The following ST18 variants were observed in gnomAD, a reference collection of about 807,000 sequenced individuals.
ST18 encodes the protein suppression of tumorigenicity 18 protein.
A neutral mutation model predicts 110.0 loss-of-function variants in ST18; 50 were observed. The ratio of observed to expected loss-of-function variants is 0.45; its 90% CI spans 0.36 to 0.58. The LOEUF is 0.58. ST18 is among the 20% of genes least tolerant of loss of function. The pLI, the probability that ST18 is intolerant of heterozygous loss-of-function variation, is 0.00. For missense variants in ST18, 1,306 were observed against 1,280.1 expected (o/e 1.02, Z -0.31); for synonymous variants, 461 against 452.4 (o/e 1.02, Z -0.24).
At chr8:52,266,730 G>T (rs778120509) in intron 2 of ST18, among the ~76,000 whole-genome samples, 3 of 151,974 alleles carry the variant, frequency 2.0e-5, no homozygotes, top group Non-Finnish European at 2.9e-5. Flanking sequence ...TTTTAGTAGA[G>T]ATGGGGTTTC....
At chr8:52,268,051 C>T (rs965060035) in intron 2 of ST18, among the ~76,000 whole-genome samples, 1 of 152,188 alleles carries the variant, frequency 6.6e-6, no homozygotes, top group Non-Finnish European at 1.5e-5. Context: ...TCAGCAAGTT[C>T]CCTTTGGGAA....
At chr8:52,371,178 C>G (rs889926902) in intron 2 of ST18, among the ~76,000 whole-genome samples, 4 of 152,206 alleles carry the variant, frequency 2.6e-5, no homozygotes, top group African/African-American at 9.6e-5. Flanking sequence ...CCACTGCCTC[C>G]TGGCTCTATG....
intron 3 of ST18, among the ~76,000 whole-genome samples, chr8:52,223,678 G>C (rs1353375165): frequency 1.3e-5 from 2 of 151,872 alleles, no homozygotes; most frequent in East Asian, 3.9e-4. Context: ...TGGTTCCAAA[G>C]GATGTGATTT....
At chr8:52,404,022 T>C in intron 2 of ST18, 1 of 152,174 alleles carries the variant, frequency 6.6e-6, no homozygotes, top group East Asian at 1.9e-4. Flanking sequence ...AGCATAATAG[T>C]TTGATTTTTG....
intron 2 of ST18, among the ~76,000 whole-genome samples, chr8:52,369,121 A>G (rs1829286850): frequency 6.6e-6 from 1 of 152,238 alleles, no homozygotes; most frequent in Non-Finnish European, 1.5e-5. Context: ...GCACTATTTA[A>G]TAATGTCTAT....
chr8:52,348,651 G>A lies in ST18; in HGVS notation c.-465+60677C>T, dbSNP rs188488128. On this transcript the variant is annotated intron_variant, in intron 2 of 25. Coordinates refer to ENST00000689386, the MANE Select transcript of ST18 (RefSeq NM_001352837.2). ...CCCAGCTACTCGGGAGGCTGAGGTA[G>A]AAGAATTGCTTGAACCCGGGAGGCA... Among the ~76,000 whole-genome samples, 24 of 152,264 alleles carry A rather than the reference G, an allele frequency of 1.6e-4. No individual in the cohort carries two copies. In the East Asian group the frequency reaches 4.6e-3, roughly 29 times the overall value.
chr8:52,328,011 G>A (rs1807280432), intron 2 of ST18, among the ~76,000 whole-genome samples: 1 of 152,190 alleles, frequency 6.6e-6, no homozygotes. Flanking sequence ...AATGGGAGGA[G>A]GAATGTTTTC....
At chr8:52,323,828 A>G (rs1018540845) in intron 2 of ST18, among the ~76,000 whole-genome samples, 2 of 152,168 alleles carry the variant, frequency 1.3e-5, no homozygotes, top group Non-Finnish European at 2.9e-5. Context: ...TTTTCCAAAC[A>G]GAGAATAGCA....
chr8:52,192,779 G>A (rs755567666), intron 8 of ST18, among the ~76,000 whole-genome samples: 2 of 152,228 alleles, frequency 1.3e-5, no homozygotes, highest in Non-Finnish European at 2.9e-5. Flanking sequence ...CTGTAGGTCT[G>A]AGGATCTTGG....
chr8:52,342,129 G>C (rs1285990895), intron 2 of ST18, among the ~76,000 whole-genome samples: 2 of 152,120 alleles, frequency 1.3e-5, no homozygotes, highest in African/African-American at 4.8e-5. Context: ...AAATATGTGA[G>C]GTCATGCATA....
intron 2 of ST18, among the ~76,000 whole-genome samples, chr8:52,288,560 C>T (rs920203286): frequency 1.3e-5 from 2 of 151,620 alleles, no homozygotes; most frequent in Non-Finnish European, 2.9e-5. Flanking sequence ...ATTAGCTGGG[C>T]GTGGCGGCAC....
intron 2 of ST18, among the ~76,000 whole-genome samples, chr8:52,371,807 G>T (rs942944796): frequency 1.3e-5 from 2 of 152,184 alleles, no homozygotes; most frequent in Admixed American, 6.5e-5. Flanking sequence ...ACAGAGCAAT[G>T]CATGCCTCAC....
At chr8:52,263,759 T>G (rs2094776443) in intron 2 of ST18, among the ~76,000 whole-genome samples, 1 of 147,234 alleles carries the variant, frequency 6.8e-6, no homozygotes, top group Non-Finnish European at 1.5e-5. Context: ...TTTTTTTTTT[T>G]TTTTTGAGAC....
intron 2 of ST18, among the ~76,000 whole-genome samples, chr8:52,357,779 T>G (rs1823818524): frequency 7.0e-6 from 1 of 142,316 alleles, no homozygotes; most frequent in Non-Finnish European, 1.5e-5. Context: ...TTTGGAAATT[T>G]TAATTCCCCA....
chr8:52,224,495 T>C (rs1186815366), intron 3 of ST18, among the ~76,000 whole-genome samples: 1 of 152,198 alleles, frequency 6.6e-6, no homozygotes, highest in East Asian at 1.9e-4. Flanking sequence ...TTAAGATGTT[T>C]AGGCAAAGAC....
intron 8 of ST18, among the ~76,000 whole-genome samples, chr8:52,197,264 T>C (rs562193037): frequency 3.9e-5 from 6 of 152,330 alleles, no homozygotes; most frequent in African/African-American, 1.4e-4. Context: ...ATGTGAATTA[T>C]CCAGACAACT....
chr8:52,403,836 G>A (rs1843588683), intron 2 of ST18: 1 of 152,116 alleles, frequency 6.6e-6, no homozygotes, highest in Non-Finnish European at 1.5e-5. Flanking sequence ...TTAAACATCA[G>A]CAAAATTAAT....
At chr8:52,320,577 C>T (rs1201841883) in intron 2 of ST18, among the ~76,000 whole-genome samples, 7 of 152,172 alleles carry the variant, frequency 4.6e-5, no homozygotes, top group South Asian at 4.1e-4. Context: ...AGTCAACTTA[C>T]TGGGACACCC....
chr8:52,129,068 AT>A (rs2048184896), intron 22 of ST18, among the ~76,000 whole-genome samples: 1 of 152,152 alleles, frequency 6.6e-6, no homozygotes, highest in Non-Finnish European at 1.5e-5. Context: ...ATATATATAC[AT>A]ATAGGCTTAA....
Sources: allele counts gnomAD v4.1 joint callset (sites outside exome capture counted in the v4.1 genomes callset), GRCh38; gene constraint gnomAD v4.1.1; transcripts MANE v1.5; gene names NCBI Gene and HGNC (gene_info 2026-07-23, HGNC 2026-07-21).